PRKG1: variants seen among roughly 807,000 people sequenced by gnomAD.
PRKG1 encodes the protein cGMP-dependent protein kinase 1.
In PRKG1, 35 loss-of-function variants were observed where a neutral mutation model predicts 88.1. That is an observed-to-expected ratio of 0.40 (90% CI 0.30 to 0.53). PRKG1 has a LOEUF of 0.53. Ranked by LOEUF, PRKG1 falls within the 20% of genes least tolerant of loss-of-function variation. The pLI is 0.59. For missense variants in PRKG1, 540 were observed against 839.8 expected, an observed-to-expected ratio of 0.64 and a Z score of 4.41; for synonymous variants, 303 against 292.5, an observed-to-expected ratio of 1.04 and a Z score of -0.37.
chr10:52,109,231 A>G (rs1367852466), intron 7 of PRKG1, among the ~76,000 whole-genome samples: 2 of 152,152 alleles, frequency 1.3e-5, no homozygotes, highest in African/African-American at 4.8e-5. Flanking sequence ...GAAATATACT[A>G]GGCAGATTGC....
chr10:52,051,039 T>A (rs187484098), intron 5 of PRKG1, among the ~76,000 whole-genome samples: 107 of 152,244 alleles, frequency 7.0e-4, no homozygotes, highest in African/African-American at 2.3e-3. Context: ...CAAAACTGGA[T>A]GTACAGGACA....
rs1047487901 is a variant in PRKG1, at chr10:51,225,408, C to T, written c.478+72078C>T. 7.0e-4 allele frequency among the ~76,000 whole-genome samples: 106 copies of T among 152,112 alleles called. 1 individual carries two copies. The highest frequency in any genetic ancestry group is 1.8e-4 in the Non-Finnish European group (12 of 68,034). ...TTTTGAGGAGACGTAGGTATTCAGT[C>T]CATTGTGCACACCAAATTATGAATT... On this transcript the variant is annotated intron_variant, in intron 2 of 17. Coordinates refer to ENST00000373980, the MANE Select transcript of PRKG1 (RefSeq NM_006258.4).
chr10:51,204,416 C>T (rs1837994076), intron 2 of PRKG1, among the ~76,000 whole-genome samples: 1 of 151,132 alleles, frequency 6.6e-6, no homozygotes. Context: ...ATTTCTTGTG[C>T]TCCCATTTTT....
intron 3 of PRKG1, among the ~76,000 whole-genome samples, chr10:51,592,318 C>A (rs1412233471): frequency 2.0e-5 from 3 of 152,136 alleles, no homozygotes; most frequent in Non-Finnish European, 4.4e-5. Flanking sequence ...TAAAGAAACA[C>A]TTGTTTACTC....
rs932136327 is a variant in PRKG1 at position 50,991,212 on chromosome 10, G to A, written c.-167G>A. On this transcript the variant is annotated 5_prime_UTR_variant, in exon 1 of 18. Coordinates refer to the PRKG1 transcript ENST00000401604. This position sits in a 1 kb window ranked among gnomAD's most constrained non-coding sequence, Gnocchi z 4.5. ...TCAGCAGAAGCGGATCGAAGCAGGAGGCTCCCCGCGCCGCATTAGGGGCGC... is the reference window on the plus strand; with the variant it reads ...TCAGCAGAAGCGGATCGAAGCAGGAAGCTCCCCGCGCCGCATTAGGGGCGC... 5 of 978,136 alleles carry A rather than the reference G, an allele frequency of 5.1e-6. No individual in the cohort carries two copies. The highest frequency in any genetic ancestry group is 5.8e-6 in the Non-Finnish European group (4 of 691,786). 60.6% of individuals were successfully genotyped at this position (978,136 alleles called of 1,614,324 possible).
intron 4 of PRKG1, among the ~76,000 whole-genome samples, chr10:51,890,095 G>A (rs1841679824): frequency 6.6e-6 from 1 of 152,094 alleles, no homozygotes; most frequent in South Asian, 2.1e-4. Context: ...GGCTTTTGTT[G>A]TCATTGCTTT....
intron 2 of PRKG1, among the ~76,000 whole-genome samples, chr10:51,297,956 T>C (rs1273046026): frequency 6.6e-6 from 1 of 152,156 alleles, no homozygotes. Flanking sequence ...CTACACTTGT[T>C]ACTATAAGTG....
At chr10:51,397,224 A>G (rs1192283897) in intron 2 of PRKG1, among the ~76,000 whole-genome samples, 1 of 151,780 alleles carries the variant, frequency 6.6e-6, no homozygotes, top group Non-Finnish European at 1.5e-5. Context: ...TAAGTTTTTA[A>G]AAGAATTTAA....
At chr10:52,135,547 G>A (rs1837388103) in intron 8 of PRKG1, among the ~76,000 whole-genome samples, 1 of 152,092 alleles carries the variant, frequency 6.6e-6, no homozygotes, top group Admixed American at 6.6e-5. Context: ...ATGAGACCAT[G>A]GGTAGGAGGA....
chr10:51,768,324 C>T lies in PRKG1; in HGVS notation c.593-36261C>T, dbSNP rs1564639227. Among the ~76,000 whole-genome samples the T allele has an allele frequency of 2.0e-5, 3 of 152,060 alleles. 1 individual carries two copies. The East Asian group carries it at 5.8e-4, about 29-fold the overall frequency. ...TTGTGCTGGCTATATTTTTTGATTA[C>T]ACATATCTATGGAGTTGGCCAAAAT... On this transcript the variant is annotated intron_variant, in intron 3 of 17. Transcript: ENST00000373980.
intron 3 of PRKG1, among the ~76,000 whole-genome samples, chr10:51,548,394 A>T (rs772450228): frequency 3.3e-5 from 5 of 152,144 alleles, no homozygotes; most frequent in African/African-American, 4.8e-5. Context: ...TGTTAATTAT[A>T]GTAGATTGGT....
At chr10:51,615,716 T>C (rs748019211) in intron 3 of PRKG1, among the ~76,000 whole-genome samples, 2 of 151,874 alleles carry the variant, frequency 1.3e-5, no homozygotes, top group Non-Finnish European at 2.9e-5. Flanking sequence ...TATCCTAAAT[T>C]GTTTTTCTCT....
intron 2 of PRKG1, among the ~76,000 whole-genome samples, chr10:51,282,125 A>G (rs1840315515): frequency 6.6e-6 from 1 of 152,062 alleles, no homozygotes; most frequent in South Asian, 2.1e-4. Flanking sequence ...TGCAAACCTG[A>G]CATGCTTTGA....
At chr10:51,723,445 G>C (rs1397659187) in intron 3 of PRKG1, among the ~76,000 whole-genome samples, 1 of 152,158 alleles carries the variant, frequency 6.6e-6, no homozygotes, top group Non-Finnish European at 1.5e-5. Flanking sequence ...ACACAGGGAA[G>C]AGAACATCAC....
At chr10:52,074,499 C>T (rs1846583184) in intron 7 of PRKG1, among the ~76,000 whole-genome samples, 1 of 152,124 alleles carries the variant, frequency 6.6e-6, no homozygotes. Flanking sequence ...AAATAATTCC[C>T]TTCAGGTGCC....
At chr10:51,422,540 C>T (rs1365339521) in intron 2 of PRKG1, among the ~76,000 whole-genome samples, 1 of 152,166 alleles carries the variant, frequency 6.6e-6, no homozygotes, top group African/African-American at 2.4e-5. Context: ...TTTGGCCAGA[C>T]TTGGGGGACT....
chr10:51,916,077 G>A (rs543279525), intron 5 of PRKG1, among the ~76,000 whole-genome samples: 95 of 152,242 alleles, frequency 6.2e-4, no homozygotes, highest in African/African-American at 2.1e-3. Context: ...TGGGGTTACC[G>A]CGTTGTCAGA....
intron 1 of PRKG1, among the ~76,000 whole-genome samples, chr10:51,080,928 G>A (rs1232485833): frequency 2.6e-5 from 4 of 152,190 alleles, no homozygotes; most frequent in Non-Finnish European, 5.9e-5. Flanking sequence ...TGTAAGAGCA[G>A]AGGAATTTTC....
chr10:51,820,735 C>T (rs1839722045), intron 4 of PRKG1, among the ~76,000 whole-genome samples: 1 of 152,136 alleles, frequency 6.6e-6, no homozygotes, highest in Non-Finnish European at 1.5e-5. Flanking sequence ...TGCTTTTAAG[C>T]CTACTGTACG....
Sources: allele counts gnomAD v4.1 joint callset (sites outside exome capture counted in the v4.1 genomes callset), GRCh38; gene constraint gnomAD v4.1.1; non-coding constraint Gnocchi (gnomAD v3.1); transcripts MANE v1.5; gene names NCBI Gene and HGNC (gene_info 2026-07-23, HGNC 2026-07-21).